The following LAYN variants were observed in gnomAD, a reference collection of about 807,000 sequenced individuals.
The protein encoded by LAYN is layilin.
In LAYN, 38 loss-of-function variants were observed where a neutral mutation model predicts 43.6. That is an observed-to-expected ratio of 0.87 (90% CI 0.67 to 1.14). The LOEUF (loss-of-function observed/expected upper bound fraction) is 1.14, where lower values mean the gene tolerates loss of function less well. Among genes scored for constraint, LAYN ranks in the 50% most tolerant of loss-of-function variants. The probability of loss-of-function intolerance (pLI) is 0.00; values close to 1 mark genes in which losing one functional copy is unlikely to be tolerated. For synonymous variants in LAYN, 168 were observed against 172.9 expected (o/e 0.97, Z 0.22); for missense variants, 479 against 463.8 (o/e 1.03, Z -0.30).
chr11:111,540,544 AGG>A (rs1867509423), upstream of LAYN: 1 of 456,152 alleles, frequency 2.2e-6, no homozygotes, highest in African/African-American at 2.1e-5. Context: ...GGAGGGGGAC[AGG>A]GAGCTGGTTC....
At position 111,560,697 on chromosome 11, in the gene LAYN, TAG is replaced by T. The variant is rs1409699317; in HGVS notation, c.*242_*243del. ...TACCTTGCCCAGGTCTGGCACATAG[TAG>T]AGTCTCAATAAATGTCACTTGGTTG... On this transcript the variant is annotated 3_prime_UTR_variant, in exon 7 of 7. Transcript: ENST00000375614. The T allele has an allele frequency of 4.1e-6, 2 of 490,406 alleles. No homozygotes were observed. Among genetic ancestry groups the T allele is most frequent in the Middle Eastern group, 5.4e-4 (1 of 1,852 alleles). 30.4% of individuals were successfully genotyped at this position (490,406 alleles called of 1,614,324 possible).
At chr11:111,551,461 T>C (rs1482163200) in intron 3 of LAYN, 1 of 455,782 alleles carries the variant, frequency 2.2e-6, no homozygotes, top group Middle Eastern at 3.4e-4. Context: ...GGAGAAAAAC[T>C]AACACACTGC....
intron 3 of LAYN, among the ~76,000 whole-genome samples, chr11:111,550,513 TAGG>T (rs1361617809): frequency 5.9e-5 from 9 of 152,252 alleles, no homozygotes; most frequent in Admixed American, 1.3e-4. Context: ...TCTTTCTTGA[TAGG>T]AGTAGAGTGA....
At chr11:111,553,877 C>A (rs934392659) in intron 3 of LAYN, among the ~76,000 whole-genome samples, 3 of 152,102 alleles carry the variant, frequency 2.0e-5, no homozygotes, top group Non-Finnish European at 2.9e-5. Flanking sequence ...CCTACGAACA[C>A]CAGAGCATCT....
chr11:111,558,443 G>A lies in LAYN; in HGVS notation c.761+800G>A, dbSNP rs182458225. On this transcript the variant is annotated intron_variant, in intron 6 of 6. Transcript: ENST00000375614. ...TAGGATTATTATAAGGATTAAGGCA[G>A]TTAATACTTGCAGAATAAGTATATA... Among the ~76,000 whole-genome samples the A allele has an allele frequency of 1.6e-3, 239 of 152,216 alleles. 1 individual carries two copies. Among genetic ancestry groups the A allele is most frequent in the Non-Finnish European group, 2.1e-3 (142 of 68,034 alleles).
intron 2 of LAYN, among the ~76,000 whole-genome samples, chr11:111,546,259 ACCT>A (rs1241144545): frequency 6.6e-6 from 1 of 151,190 alleles, no homozygotes; most frequent in East Asian, 1.9e-4. Flanking sequence ...TCTATCCAAA[ACCT>A]CCTAGTCCAC....
chr11:111,555,128 A>G, intron 4 of LAYN, 79 bp from the exon 5 acceptor site: 2 of 1,081,758 alleles, frequency 1.8e-6, no homozygotes, highest in Non-Finnish European at 2.8e-6. Flanking sequence ...TTGCATCCCA[A>G]TTTGAACATG....
In LAYN at chr11:111,540,946, G is replaced by A. The variant is rs1040823198; in HGVS notation, c.85+18G>A. The stretch of plus-strand genomic sequence containing the variant: ...GCTGAGTGGTGAGTGCGCGCGCTGG[G>A]GCGGGGGCTGGTGCCGGGGTGGGCT... On this transcript the variant is annotated intron_variant, in intron 1 of 6. Transcript: ENST00000375614. 7 of 1,528,182 alleles carry A rather than the reference G, an allele frequency of 4.6e-6. No individual in the cohort carries two copies. The highest frequency in any genetic ancestry group is 1.4e-5 in the African/African-American group (1 of 72,714). 94.7% of individuals were successfully genotyped at this position (1,528,182 alleles called of 1,614,324 possible). A position where few individuals can be genotyped will look rare whatever the true frequency, so the allele number is the denominator to read the frequency against.
chr11:111,542,638 C>T (rs931147761), intron 1 of LAYN, among the ~76,000 whole-genome samples: 1 of 152,206 alleles, frequency 6.6e-6, no homozygotes, highest in South Asian at 2.1e-4. Flanking sequence ...GGAGGAGGTT[C>T]CCAAACCAAA....
chr11:111,542,887 G>C (rs1476155026), intron 1 of LAYN, among the ~76,000 whole-genome samples: 1 of 152,216 alleles, frequency 6.6e-6, no homozygotes, highest in Non-Finnish European at 1.5e-5. Context: ...TGAATGAAAG[G>C]AGTGATGAGG....
intron 5 of LAYN, 73 bp from the exon 6 acceptor site, chr11:111,557,468 A>T: frequency 8.5e-7 from 1 of 1,179,938 alleles, no homozygotes. Context: ...TGCTTTTTTT[A>T]AGCCTGGTTT....
chr11:111,557,456 T>C, intron 5 of LAYN, 85 bp from the exon 6 acceptor site: 1 of 1,073,524 alleles, frequency 9.3e-7, no homozygotes, highest in Non-Finnish European at 1.4e-6. Flanking sequence ...TTTTGACGAT[T>C]ATGCTTTTTT....
Position 111,543,942 on chromosome 11 carries a change from A to T in LAYN, c.105A>T (p.Gly35=), listed in dbSNP as rs1261917209. 9 of 1,612,350 alleles carry T rather than the reference A, an allele frequency of 5.6e-6. No homozygotes were observed. Among genetic ancestry groups the T allele is most frequent in the Non-Finnish European group, 7.6e-6 (9 of 1,179,390 alleles). Reference sequence around the variant, plus strand: ...CTCTAGGGCAGCCAGTCTGCCGGGGAGGGACACAGAGGCCTTGTTATAAAG... The same window carrying T: ...CTCTAGGGCAGCCAGTCTGCCGGGGTGGGACACAGAGGCCTTGTTATAAAG... The part of the protein sequence containing the change: ...RLLSGQPVCR[G]GTQRPCYKVI... Residue 35 remains glycine (G), a synonymous_variant, in exon 2 of 7, where the codon GGA becomes GGT. Coordinates refer to ENST00000375614, the MANE Select transcript of LAYN (RefSeq NM_178834.5).
At chr11:111,542,693 C>T (rs1397163510) in intron 1 of LAYN, among the ~76,000 whole-genome samples, 2 of 152,204 alleles carry the variant, frequency 1.3e-5, no homozygotes, top group Non-Finnish European at 2.9e-5. Context: ...ACCCACAGCC[C>T]ACAATTTGGC....
intron 2 of LAYN, among the ~76,000 whole-genome samples, chr11:111,548,792 C>G (rs748545286): frequency 6.6e-6 from 1 of 152,142 alleles, no homozygotes; most frequent in Non-Finnish European, 1.5e-5. Context: ...GGCAACTAAC[C>G]AGGGAGGTTA....
At chr11:111,544,274 G>A (rs1867607884) in intron 2 of LAYN, 54 bp downstream of exon 2, 9 of 1,542,336 alleles carry the variant, frequency 5.8e-6, no homozygotes, top group Non-Finnish European at 7.0e-6. Context: ...TCAAAAAAGA[G>A]GCAGGCTGGA....
chr11:111,559,147 T>C (rs1250895507), intron 6 of LAYN, among the ~76,000 whole-genome samples: 2 of 152,214 alleles, frequency 1.3e-5, no homozygotes, highest in Admixed American at 6.5e-5. Flanking sequence ...GCAATCATAC[T>C]GTTATATAGT....
intron 2 of LAYN, among the ~76,000 whole-genome samples, chr11:111,546,377 A>T (rs1461313846): frequency 6.6e-6 from 1 of 152,098 alleles, no homozygotes; most frequent in Non-Finnish European, 1.5e-5. Context: ...CCCTTTCCTT[A>T]CAAAGTGGTT....
In LAYN at chr11:111,540,907, G is replaced by A; in HGVS notation, c.64G>A (p.Ala22Thr). Residue 22 changes from alanine to threonine, a missense_variant, in exon 1 of 7, where the codon GCG becomes ACG. By Grantham distance (58) the Ala-to-Thr change is moderately conservative. Transcript: ENST00000375614. ...LAVLLVGLRA[A>T]TGRLLSGQPV... ...CGTGCTGCTGGTGGGGCTGCGGGCC[G>A]CGACGGGTCGCCTGCTGAGTGGTGA... 6.5e-7 allele frequency: 1 copy of A among 1,532,140 alleles called. No individual in the cohort carries two copies. The highest frequency in any genetic ancestry group is 8.7e-7 in the Non-Finnish European group (1 of 1,145,668). 94.9% of individuals were successfully genotyped at this position (1,532,140 alleles called of 1,614,324 possible).
Sources: allele counts gnomAD v4.1 joint callset (sites outside exome capture counted in the v4.1 genomes callset), GRCh38; gene constraint gnomAD v4.1.1; transcripts MANE v1.5; gene names NCBI Gene and HGNC (gene_info 2026-07-23, HGNC 2026-07-21).